The following LMX1A variants were observed in gnomAD, a reference collection of about 807,000 sequenced individuals.
LMX1A encodes the protein LIM homeobox transcription factor 1-alpha.
Under a neutral mutation model 49.1 loss-of-function variants are expected in LMX1A, and 15 were observed. The observed-to-expected ratio is 0.31, with a 90% CI of 0.20 to 0.47. The LOEUF (loss-of-function observed/expected upper bound fraction) is 0.47, where lower values mean the gene tolerates loss of function less well. Ranked by LOEUF, LMX1A falls within the 20% of genes least tolerant of loss-of-function variation. The probability of loss-of-function intolerance (pLI) is 1.00; values close to 1 mark genes in which losing one functional copy is unlikely to be tolerated. For synonymous variants in LMX1A, 167 were observed against 185.7 expected, an observed-to-expected ratio of 0.90 and a Z score of 0.82; for missense variants, 372 against 475.8, an observed-to-expected ratio of 0.78 and a Z score of 2.03.
chr1:165,226,427 C>T (rs969099), intron 4 of LMX1A, among the ~76,000 whole-genome samples: 35,369 of 152,144 alleles, frequency 0.23, 4,491 homozygotes, highest in Non-Finnish European at 0.28. Context: ...AGCACAAATG[C>T]CATCCAATGT....
At chr1:165,344,849 T>C (rs1199675516) in intron 3 of LMX1A, among the ~76,000 whole-genome samples, 1 of 152,200 alleles carries the variant, frequency 6.6e-6, no homozygotes, top group Non-Finnish European at 1.5e-5. Context: ...CAACTGCCCA[T>C]TCCCTTTGCA....
chr1:165,219,714 A>T (rs1392217493), intron 4 of LMX1A, among the ~76,000 whole-genome samples: 1 of 152,204 alleles, frequency 6.6e-6, no homozygotes, highest in Non-Finnish European at 1.5e-5. Context: ...GACCAAAAAC[A>T]GTTTCTGGTA....
chr1:165,312,998 C>CTGAA (rs796629776), intron 3 of LMX1A, among the ~76,000 whole-genome samples: 24 of 152,208 alleles, frequency 1.6e-4, no homozygotes, highest in African/African-American at 5.8e-4. Flanking sequence ...CACAAAGAGA[C>CTGAA]TGAATATCAG....
intron 2 of LMX1A, among the ~76,000 whole-genome samples, chr1:165,354,140 A>C (rs1002580019): frequency 6.6e-6 from 1 of 152,084 alleles, no homozygotes; most frequent in African/African-American, 2.4e-5. Context: ...TTTCACAGCT[A>C]TTTAAAGAAG....
intron 4 of LMX1A, among the ~76,000 whole-genome samples, chr1:165,216,897 T>C (rs1651661271): frequency 6.6e-6 from 1 of 152,188 alleles, no homozygotes; most frequent in African/African-American, 2.4e-5. Flanking sequence ...CAAGACTTAA[T>C]TTTCTCATCA....
At chr1:165,356,055 C>A (rs1313913191) in intron 1 of LMX1A, 1 of 154,670 alleles carries the variant, frequency 6.5e-6, no homozygotes, top group African/African-American at 2.4e-5. Context: ...CCAGCCGCCC[C>A]GTTGCGGCCC....
chr1:165,226,916 T>C (rs1372776219), intron 4 of LMX1A, among the ~76,000 whole-genome samples: 1 of 152,192 alleles, frequency 6.6e-6, no homozygotes, highest in African/African-American at 2.4e-5. Flanking sequence ...CTAATATACA[T>C]CTGTGAACAA....
intron 3 of LMX1A, among the ~76,000 whole-genome samples, chr1:165,261,162 A>G (rs996536071): frequency 6.6e-6 from 1 of 152,142 alleles, no homozygotes; most frequent in Non-Finnish European, 1.5e-5. Context: ...TTCATGTTAG[A>G]CTTCAGATGT....
chr1:165,336,918 C>A (rs1397668723), intron 3 of LMX1A, among the ~76,000 whole-genome samples: 1 of 152,028 alleles, frequency 6.6e-6, no homozygotes, highest in Admixed American at 6.6e-5. Context: ...AATTAGTGGT[C>A]TGGGAAAAGA....
intron 4 of LMX1A, among the ~76,000 whole-genome samples, chr1:165,233,274 G>T (rs1039560881): frequency 4.6e-5 from 7 of 151,604 alleles, no homozygotes; most frequent in Non-Finnish European, 1.0e-4. Context: ...GGGAAACACA[G>T]GGAGACCCAG....
At chr1:165,281,527 G>C (rs1479033954) in intron 3 of LMX1A, among the ~76,000 whole-genome samples, 2 of 152,228 alleles carry the variant, frequency 1.3e-5, no homozygotes, top group Non-Finnish European at 2.9e-5. Context: ...GGAGACTGAA[G>C]AGACTCCAGG....
chr1:165,250,464 T>C (rs1233464219), intron 3 of LMX1A, among the ~76,000 whole-genome samples: 1 of 152,222 alleles, frequency 6.6e-6, no homozygotes, highest in Non-Finnish European at 1.5e-5. Flanking sequence ...AGATTGTGAA[T>C]TCTTAATAAG....
At chr1:165,270,137 A>G (rs1333366055) in intron 3 of LMX1A, among the ~76,000 whole-genome samples, 1 of 152,128 alleles carries the variant, frequency 6.6e-6, no homozygotes, top group East Asian at 1.9e-4. Flanking sequence ...GCTCCTGGAG[A>G]AAAAGTACTG....
intron 3 of LMX1A, among the ~76,000 whole-genome samples, chr1:165,265,983 T>C (rs1304715705): frequency 1.3e-5 from 2 of 152,146 alleles, no homozygotes; most frequent in African/African-American, 4.8e-5. Flanking sequence ...TGATTGGTTA[T>C]TTAAGGGAGG....
intron 4 of LMX1A, among the ~76,000 whole-genome samples, chr1:165,236,239 C>G (rs962175441): frequency 3.3e-5 from 5 of 152,176 alleles, no homozygotes; most frequent in African/African-American, 1.2e-4. Context: ...GAGAGGGAAG[C>G]CTCCGCGTGC....
At chr1:165,343,845 G>T (rs1305439059) in intron 3 of LMX1A, among the ~76,000 whole-genome samples, 1 of 152,204 alleles carries the variant, frequency 6.6e-6, no homozygotes, top group Non-Finnish European at 1.5e-5. Context: ...CCAGTCTAGA[G>T]CCTAAAATTC....
At chr1:165,240,487 A>G (rs1367187766) in intron 4 of LMX1A, among the ~76,000 whole-genome samples, 2 of 152,174 alleles carry the variant, frequency 1.3e-5, no homozygotes, top group East Asian at 1.9e-4. Context: ...GTTTTTCTCA[A>G]TTGTGCTGCT....
intron 4 of LMX1A, among the ~76,000 whole-genome samples, chr1:165,245,031 G>A (rs150360339): frequency 5.9e-4 from 90 of 152,198 alleles, no homozygotes; most frequent in African/African-American, 2.0e-3. Context: ...AGCTGTGAAC[G>A]TGTCACATGC....
At chr1:165,342,387 A>G (rs375719878) in intron 3 of LMX1A, among the ~76,000 whole-genome samples, 20 of 152,240 alleles carry the variant, frequency 1.3e-4, no homozygotes, top group East Asian at 7.7e-4. Context: ...GATATTCAAC[A>G]GTTCTGCTGC....
Sources: allele counts gnomAD v4.1 joint callset (sites outside exome capture counted in the v4.1 genomes callset), GRCh38; gene constraint gnomAD v4.1.1; transcripts MANE v1.5; gene names NCBI Gene and HGNC (gene_info 2026-07-23, HGNC 2026-07-21).